The following CREB5 variants were observed in gnomAD, a reference collection of about 807,000 sequenced individuals.
The protein encoded by CREB5 is cAMP responsive element binding protein 5, also known as cyclic AMP-responsive element-binding protein 5.
In CREB5, 19 loss-of-function variants were observed where a neutral mutation model predicts 57.1. The observed-to-expected ratio is 0.33, with a 90% CI of 0.23 to 0.49. The LOEUF (loss-of-function observed/expected upper bound fraction) is 0.49, where lower values mean the gene tolerates loss of function less well. CREB5 is among the 20% of genes least tolerant of loss of function. The pLI is 0.99. For synonymous variants in CREB5, 238 were observed against 238.3 expected (o/e 1.00, Z 0.01); for missense variants, 579 against 671.6 (o/e 0.86, Z 1.52).
chr7:28,775,976 C>A (rs568194906), intron 7 of CREB5, among the ~76,000 whole-genome samples: 2 of 152,188 alleles, frequency 1.3e-5, no homozygotes, highest in African/African-American at 4.8e-5. Flanking sequence ...GTAACTGCCC[C>A]GTGTGCACAG....
intron 4 of CREB5, among the ~76,000 whole-genome samples, chr7:28,519,896 C>T (rs942885588): frequency 6.6e-6 from 1 of 152,168 alleles, no homozygotes; most frequent in African/African-American, 2.4e-5. Context: ...AATCACGTAA[C>T]AGTGGTTTGT....
chr7:28,677,468 G>T (rs1215496298), intron 5 of CREB5, among the ~76,000 whole-genome samples: 1 of 152,120 alleles, frequency 6.6e-6, no homozygotes, highest in African/African-American at 2.4e-5. Context: ...GCCAGGCCAA[G>T]GGTCAGCCTT....
At chr7:28,540,380 T>C (rs1794158157) in intron 4 of CREB5, among the ~76,000 whole-genome samples, 2 of 152,102 alleles carry the variant, frequency 1.3e-5, no homozygotes, top group African/African-American at 2.4e-5. Context: ...TAAGAACAAG[T>C]TTTGAGTTAG....
At chr7:28,604,573 G>A (rs1797038948) in intron 5 of CREB5, among the ~76,000 whole-genome samples, 1 of 151,500 alleles carries the variant, frequency 6.6e-6, no homozygotes, top group Non-Finnish European at 1.5e-5. Context: ...TCTACCTAGG[G>A]CAAGAACCCA....
chr7:28,522,842 G>A (rs778796543), intron 4 of CREB5, among the ~76,000 whole-genome samples: 2 of 152,118 alleles, frequency 1.3e-5, no homozygotes, highest in Non-Finnish European at 2.9e-5. Context: ...CTCTTTCTTC[G>A]TAATGCACTT....
At chr7:28,441,126 G>T (rs930672713) in intron 1 of CREB5, among the ~76,000 whole-genome samples, 1 of 152,054 alleles carries the variant, frequency 6.6e-6, no homozygotes, top group Non-Finnish European at 1.5e-5. Context: ...AGAAGACTTC[G>T]GAGCTTGATT....
At chr7:28,394,651 G>T (rs530357449) in intron 1 of CREB5, among the ~76,000 whole-genome samples, 1 of 151,974 alleles carries the variant, frequency 6.6e-6, no homozygotes, top group Non-Finnish European at 1.5e-5. Flanking sequence ...TTAAAAGAGG[G>T]TCCCCCACCT....
intron 7 of CREB5, among the ~76,000 whole-genome samples, chr7:28,801,250 G>A (rs1808345744): frequency 6.6e-6 from 1 of 152,194 alleles, no homozygotes; most frequent in African/African-American, 2.4e-5. Context: ...GGCTAGGCAA[G>A]TGGCTTTTAC....
intron 4 of CREB5, among the ~76,000 whole-genome samples, chr7:28,517,830 G>C (rs1325909132): frequency 6.6e-6 from 1 of 152,110 alleles, no homozygotes; most frequent in African/African-American, 2.4e-5. Flanking sequence ...TGTGTGACCA[G>C]TCCAGTCCTC....
chr7:28,435,523 C>A, intron 1 of CREB5: 1 of 512,060 alleles, frequency 2.0e-6, no homozygotes, highest in Non-Finnish European at 2.5e-6. Flanking sequence ...TGAATGAGGG[C>A]CATATAACCA....
At chr7:28,634,577 C>T (rs998265689) in intron 5 of CREB5, among the ~76,000 whole-genome samples, 2 of 152,126 alleles carry the variant, frequency 1.3e-5, no homozygotes, top group Non-Finnish European at 2.9e-5. Context: ...CAAGCCCTCC[C>T]CTGTGTATCA....
chr7:28,325,299 C>T (rs1785569388), intron 1 of CREB5, among the ~76,000 whole-genome samples: 2 of 152,026 alleles, frequency 1.3e-5, no homozygotes, highest in African/African-American at 2.4e-5. Flanking sequence ...ACTAAAACTA[C>T]AAAAAATTAG....
At chr7:28,430,319 G>T (rs537239578) in intron 1 of CREB5, among the ~76,000 whole-genome samples, 3 of 152,298 alleles carry the variant, frequency 2.0e-5, no homozygotes, top group African/African-American at 4.8e-5. Context: ...AGTGCTAAGC[G>T]TGGAGCCAGG....
chr7:28,801,368 G>A (rs554057691), intron 7 of CREB5, among the ~76,000 whole-genome samples: 1 of 152,216 alleles, frequency 6.6e-6, no homozygotes, highest in Non-Finnish European at 1.5e-5. Flanking sequence ...TTTCCATCAT[G>A]TCATTTTTTT....
At position 28,560,901 on chromosome 7, in the gene CREB5, C is replaced by CGTGTGT. The variant is rs1368518820; in HGVS notation, c.292-9463_292-9462insTGTGTG. Among the ~76,000 whole-genome samples the CGTGTGT allele has an allele frequency of 4.9e-3, 105 of 21,614 alleles. 12 individuals carry two copies. The highest frequency in any genetic ancestry group is 7.2e-3 in the South Asian group (2 of 278). The allele number at this position is 21,614 out of a possible 152,430, so 14.2% of individuals were successfully genotyped here. A position where few individuals can be genotyped will look rare whatever the true frequency, so the allele number is the denominator to read the frequency against. ...GTGCGTGCGTGCGTGTGTGTGCGTG[C>CGTGTGT]GCGCGTGCGTGTGCGTGTGTGCGCG... On this transcript the variant is annotated intron_variant, in intron 4 of 10. Transcript: ENST00000357727.
chr7:28,395,373 C>G (rs1963815), intron 1 of CREB5, among the ~76,000 whole-genome samples: 2 of 151,970 alleles, frequency 1.3e-5, no homozygotes, highest in Non-Finnish European at 2.9e-5. Flanking sequence ...ACATGATTTA[C>G]AGTAGGTGAA....
In CREB5 at chr7:28,691,189, G is replaced by A. The variant is rs112779142; in HGVS notation, c.465-27564G>A. On this transcript the variant is annotated intron_variant, in intron 5 of 10. Coordinates refer to ENST00000357727, the MANE Select transcript of CREB5 (RefSeq NM_182898.4). ...AATCCCAGCACTTTGGGAGGCCAAG[G>A]CAGATGGATCACCTGAGGTCAGGAG... Among the ~76,000 whole-genome samples, 1,376 of 152,270 alleles carry A rather than the reference G, an allele frequency of 9.0e-3. 23 individuals are homozygous for A. The highest frequency in any genetic ancestry group is 0.031 in the African/African-American group (1,287 of 41,550).
intron 1 of CREB5, among the ~76,000 whole-genome samples, chr7:28,343,515 G>A (rs1785976593): frequency 1.3e-5 from 2 of 150,504 alleles, no homozygotes; most frequent in Admixed American, 6.6e-5. Context: ...TCATATTATT[G>A]CAAATGACAA....
rs1785197452 is a variant in CREB5, at chr7:28,306,751, CG to C, written c.-25+7314del. 4.6e-5 allele frequency among the ~76,000 whole-genome samples: 7 copies of C among 151,938 alleles called. No homozygotes were observed. In the South Asian group the frequency reaches 1.5e-3, roughly 32 times the overall value. On this transcript the variant is annotated intron_variant, in intron 1 of 9. Coordinates refer to the CREB5 transcript ENST00000396299. ...AATTTTTTGTATTTTTTAGTAGAGA[CG>C]GGGTTTCACCGTGTTAGCCGGGATG...
Sources: allele counts gnomAD v4.1 joint callset (sites outside exome capture counted in the v4.1 genomes callset), GRCh38; gene constraint gnomAD v4.1.1; transcripts MANE v1.5; gene names NCBI Gene and HGNC (gene_info 2026-07-23, HGNC 2026-07-21).